Variants in STK11 observed in about 807,000 individuals in gnomAD.
The protein encoded by STK11 is serine/threonine-protein kinase STK11.
STK11 carries 8 observed loss-of-function variants against 47.3 expected under a neutral mutation model. The observed-to-expected ratio is 0.17, with a 90% CI of 0.10 to 0.31. STK11 has a LOEUF of 0.31. Ranked by LOEUF, STK11 falls within the 10% of genes least tolerant of loss-of-function variation. The probability of loss-of-function intolerance (pLI) is 1.00; values close to 1 mark genes in which losing one functional copy is unlikely to be tolerated. For missense variants in STK11, 475 were observed against 605.0 expected, an observed-to-expected ratio of 0.79 and a Z score of 2.25; for synonymous variants, 330 against 255.8, an observed-to-expected ratio of 1.29 and a Z score of -2.77.
chr19:1,222,211 G>A (rs923766545), intron 7 of STK11, among the ~76,000 whole-genome samples: 5 of 152,226 alleles, frequency 3.3e-5, no homozygotes, highest in African/African-American at 9.6e-5. Context: ...CGCCTTGTCC[G>A]AACTGGGGTC....
In STK11 at chr19:1,228,001, C is replaced by T. The variant is rs1471894536; in HGVS notation, c.*425C>T. The T allele has an allele frequency of 9.4e-7, 1 of 1,068,160 alleles. No homozygotes were observed. The highest frequency in any genetic ancestry group is 1.1e-6 in the Non-Finnish European group (1 of 881,114). The allele number at this position is 1,068,160 out of a possible 1,614,324, so 66.2% of individuals were successfully genotyped here. A position where few individuals can be genotyped will look rare whatever the true frequency, so the allele number is the denominator to read the frequency against. On this transcript the variant is annotated 3_prime_UTR_variant, in exon 10 of 10. Transcript: ENST00000326873. ...TGACCCCGCCATGCATGCAGCGCCA[C>T]CTGGAAGCCGCGCGGCCGCTTTGGT...
intron 1 of STK11, among the ~76,000 whole-genome samples, chr19:1,213,646 GC>G (rs920330369): frequency 3.3e-5 from 5 of 152,242 alleles, no homozygotes; most frequent in African/African-American, 1.2e-4. Context: ...TGTGTGGAGG[GC>G]CACGCTGCGT....
chr19:1,218,362 A>G (rs1351482612), intron 1 of STK11, 55 bp from the exon 2 acceptor site: 3 of 1,454,572 alleles, frequency 2.1e-6, no homozygotes, highest in Non-Finnish European at 9.7e-7. Context: ...CCAGGGATCC[A>G]GGCCATCATC....
intron 8 of STK11, chr19:1,223,606 T>C (rs2080801212): frequency 8.4e-6 from 9 of 1,069,878 alleles, no homozygotes; most frequent in Non-Finnish European, 1.0e-5. Context: ...GCCTGCCCGC[T>C]GGCCCTGATG....
At chr19:1,208,662 G>T (rs1167791424) in intron 1 of STK11, among the ~76,000 whole-genome samples, 1 of 118,940 alleles carries the variant, frequency 8.4e-6, no homozygotes, top group Non-Finnish European at 1.6e-5. Context: ...TTGTTGCTCA[G>T]GCTGGAGTGC....
At chr19:1,226,003 C>T (rs977061979) in intron 8 of STK11, 41 of 1,007,536 alleles carry the variant, frequency 4.1e-5, no homozygotes, top group East Asian at 1.1e-4. Context: ...GCTGGCATTT[C>T]GCGTGCCTGG....
rs2145405711 is a variant in STK11, at chr19:1,207,149, T to A, written c.236T>A (p.Ile79Asn). Residue 79 changes from isoleucine (I) to asparagine (N), a missense_variant, in exon 1 of 10, where the codon ATC becomes AAC. Physicochemically the swap from Ile to Asn is moderately radical, Grantham distance 149 (BLOSUM62 -3). Coordinates refer to ENST00000326873, the MANE Select transcript of STK11 (RefSeq NM_000455.5). ...ACGCTGTGCAGGAGGGCCGTCAAGA[T>A]CCTCAAGAAGAAGAAGTTGCGAAGG... ...SETLCRRAVK[I>N]LKKKKLRRIP... is the part of the protein sequence containing the mutation. 6.2e-7 allele frequency: 1 copy of A among 1,612,742 alleles called. No individual in the cohort carries two copies. The highest frequency in any genetic ancestry group is 8.5e-7 in the Non-Finnish European group (1 of 1,179,402).
At chr19:1,209,677 C>T (rs180772879) in intron 1 of STK11, among the ~76,000 whole-genome samples, 38 of 152,224 alleles carry the variant, frequency 2.5e-4, no homozygotes, top group Non-Finnish European at 3.4e-4. Context: ...GGAAGACAGA[C>T]GCTGGAGGGT....
intron 8 of STK11, chr19:1,223,767 CT>C: frequency 9.6e-7 from 1 of 1,039,604 alleles, no homozygotes; most frequent in Non-Finnish European, 1.2e-6. Flanking sequence ...AGCTCAGGGC[CT>C]TAGCGTAGGG....
At chr19:1,222,921 G>T (rs2145430335) in intron 7 of STK11, 64 bp from the exon 8 acceptor site, 2 of 1,479,304 alleles carry the variant, frequency 1.4e-6, no homozygotes, top group South Asian at 2.7e-5. Context: ...AGAGGAGCTG[G>T]GTCGGAAAAC....
Position 1,213,580 on chromosome 19 carries a change from C to T in STK11, c.291-4837C>T, listed in dbSNP as rs530554567. Among the ~76,000 whole-genome samples, 9 of 152,342 alleles carry T rather than the reference C, an allele frequency of 5.9e-5. No homozygotes were observed. The South Asian group carries it at 8.3e-4, about 14-fold the overall frequency. Reference sequence around the variant, plus strand: ...GAGTGTGCTGTCCTCAAGGGGCATCCGCGCCGTGGCCTGGGTCCGAACCTC... The same window carrying T: ...GAGTGTGCTGTCCTCAAGGGGCATCTGCGCCGTGGCCTGGGTCCGAACCTC... On this transcript the variant is annotated intron_variant, in intron 1 of 9. Transcript: ENST00000326873.
At chr19:1,220,236 T>C in intron 3 of STK11, 137 bp from the exon 4 acceptor site, 1 of 1,220,024 alleles carries the variant, frequency 8.2e-7, no homozygotes, top group Non-Finnish European at 1.1e-6. Context: ...TAGCCTTTCC[T>C]CTGTCCTGTG....
intron 8 of STK11, chr19:1,223,960 G>C: frequency 9.9e-7 from 1 of 1,010,788 alleles, no homozygotes; most frequent in Non-Finnish European, 1.2e-6. Context: ...TGGTGGGCAG[G>C]GGCCGGCCTG....
At chr19:1,224,342 T>C in intron 8 of STK11, 1 of 985,274 alleles carries the variant, frequency 1.0e-6, no homozygotes, top group Non-Finnish European at 1.2e-6. Flanking sequence ...GTCTGGTCTG[T>C]TGGAACGGGA....
chr19:1,212,090 C>G (rs993603768), intron 1 of STK11, among the ~76,000 whole-genome samples: 2 of 152,018 alleles, frequency 1.3e-5, no homozygotes, highest in African/African-American at 4.8e-5. Context: ...ACTGGGGGTT[C>G]TGGGCTGTGC....
At chr19:1,220,275 G>A (rs1438673046) in intron 3 of STK11, 98 bp from the exon 4 acceptor site, 9 of 1,462,780 alleles carry the variant, frequency 6.2e-6, no homozygotes, top group African/African-American at 1.4e-5. Flanking sequence ...TTCCCAGCTG[G>A]GCCTGTGGTG....
chr19:1,224,650 G>A lies in STK11; in HGVS notation c.1108+1478G>A, dbSNP rs1313373994. The A allele has an allele frequency of 8.1e-6, 8 of 985,510 alleles. No individual in the cohort carries two copies. In the African/African-American group the frequency reaches 1.2e-4, roughly 15 times the overall value. The allele number at this position is 985,510 out of a possible 1,614,324, so 61.0% of individuals were successfully genotyped here. ...GGACCCGGCACTGGCTTCCCTCCTG[G>A]GGACCCTCAGGCCTGTGTGAGACCT... is the stretch of plus-strand genomic sequence containing the variant. On this transcript the variant is annotated intron_variant, in intron 8 of 9. Coordinates refer to ENST00000326873, the MANE Select transcript of STK11 (RefSeq NM_000455.5).
chr19:1,224,120 G>C (rs2080804993), intron 8 of STK11: 1 of 990,592 alleles, frequency 1.0e-6, no homozygotes, highest in Non-Finnish European at 1.2e-6. Flanking sequence ...AAACCCCTAG[G>C]CTCAGCTCAG....
At chr19:1,218,279 CTG>C (rs2080757356) in intron 1 of STK11, 136 bp from the exon 2 acceptor site, 1 of 758,726 alleles carries the variant, frequency 1.3e-6, no homozygotes, top group South Asian at 1.6e-5. Context: ...TCCCACAGCA[CTG>C]TGAACTCACA....
Sources: gnomAD v4.1 joint callset for allele counts (sites outside exome capture counted in the v4.1 genomes callset) on GRCh38, gnomAD v4.1.1 for gene constraint, MANE v1.5 for transcripts, NCBI Gene and HGNC (gene_info 2026-07-23, HGNC 2026-07-21) for gene names.